The following METTL25 variants were observed in gnomAD, a reference collection of about 807,000 sequenced individuals.
METTL25 encodes the protein methyltransferase like 25.
In METTL25, 64 loss-of-function variants were observed where a neutral mutation model predicts 71.6. The observed-to-expected ratio is 0.89, with a 90% CI of 0.73 to 1.10. The LOEUF is 1.10. METTL25 is among the 50% of genes least tolerant of loss of function. The pLI is 0.00. For missense variants in METTL25, 807 were observed against 707.0 expected, an observed-to-expected ratio of 1.14 and a Z score of -1.60; for synonymous variants, 287 against 250.3, an observed-to-expected ratio of 1.15 and a Z score of -1.38.
intron 8 of METTL25, among the ~76,000 whole-genome samples, chr12:82,455,757 G>A (rs1345620426): frequency 6.6e-6 from 1 of 151,858 alleles, no homozygotes; most frequent in African/African-American, 2.4e-5. Context: ...GATTATAGTG[G>A]GCCCTGATGG....
At chr12:82,440,901 A>G (rs560867410) in intron 8 of METTL25, among the ~76,000 whole-genome samples, 138 of 152,176 alleles carry the variant, frequency 9.1e-4, no homozygotes, top group African/African-American at 3.2e-3. Context: ...GGATTTCAAC[A>G]GAAGTAAACC....
chr12:82,386,637 A>T (rs1309823976), intron 1 of METTL25, among the ~76,000 whole-genome samples, 166 bp from the exon 2 acceptor site: 1 of 152,090 alleles, frequency 6.6e-6, no homozygotes, highest in East Asian at 1.9e-4. Flanking sequence ...CTAATCGTTT[A>T]AATAGTAAAT....
chr12:82,358,899 G>A (rs769312618), intron 1 of METTL25, 75 bp downstream of exon 1: 117 of 1,524,812 alleles, frequency 7.7e-5, no homozygotes, highest in Non-Finnish European at 5.4e-5. Context: ...GCCCCCTGGT[G>A]GAAGCCAGCA....
chr12:82,372,837 T>C (rs922141830), intron 1 of METTL25, among the ~76,000 whole-genome samples: 1 of 152,124 alleles, frequency 6.6e-6, no homozygotes, highest in African/African-American at 2.4e-5. Context: ...ACCTTGCTGA[T>C]TGGAATAGTT....
intron 2 of METTL25, among the ~76,000 whole-genome samples, chr12:82,388,289 G>A (rs1476044181): frequency 6.6e-6 from 1 of 151,986 alleles, no homozygotes; most frequent in Non-Finnish European, 1.5e-5. Context: ...TTATCTTTGA[G>A]TCCAATTCTT....
chr12:82,476,014 A>G (rs750577793), intron 9 of METTL25, among the ~76,000 whole-genome samples: 31 of 152,222 alleles, frequency 2.0e-4, no homozygotes, highest in Admixed American at 5.2e-4. Context: ...ACAATAATGT[A>G]ACTGGCATAG....
chr12:82,408,322 G>T (rs1197227878), intron 5 of METTL25, among the ~76,000 whole-genome samples: 1 of 152,108 alleles, frequency 6.6e-6, no homozygotes, highest in Non-Finnish European at 1.5e-5. Flanking sequence ...AAAGGGCCTA[G>T]GAGTGTACAT....
intron 8 of METTL25, among the ~76,000 whole-genome samples, chr12:82,452,979 A>G (rs1428116619): frequency 6.6e-6 from 1 of 152,088 alleles, no homozygotes; most frequent in Non-Finnish European, 1.5e-5. Flanking sequence ...ACCTATACCA[A>G]CCACTACACT....
chr12:82,360,998 G>A (rs1341629862), intron 1 of METTL25, among the ~76,000 whole-genome samples: 1 of 152,158 alleles, frequency 6.6e-6, no homozygotes, highest in African/African-American at 2.4e-5. Flanking sequence ...GAGAGCAGCA[G>A]CAAGATTTAT....
rs1018529337 is a variant in METTL25, at chr12:82,416,803, C to T, written c.1279+13673C>T. ...CTTAGTTTTAATATATTTTAGAAAC[C>T]GGTAACATGTAAGTACTTCACAAAT... On this transcript the variant is annotated intron_variant, in intron 5 of 11. Coordinates refer to ENST00000248306, the MANE Select transcript of METTL25 (RefSeq NM_032230.3). Among the ~76,000 whole-genome samples, 4 of 151,838 alleles carry T rather than the reference C, an allele frequency of 2.6e-5. No individual in the cohort carries two copies. The East Asian group carries it at 5.8e-4, about 22-fold the overall frequency.
At chr12:82,389,348 CT>C (rs1330368638) in intron 2 of METTL25, among the ~76,000 whole-genome samples, 3 of 152,052 alleles carry the variant, frequency 2.0e-5, no homozygotes, top group Non-Finnish European at 4.4e-5. Flanking sequence ...TTAGCAGCTA[CT>C]ATATTAGACA....
chr12:82,476,619 T>C (rs1334115400), intron 9 of METTL25, 25 bp from the exon 10 acceptor site: 1 of 1,435,018 alleles, frequency 7.0e-7, no homozygotes, highest in South Asian at 1.2e-5. Flanking sequence ...TATCGTTAAA[T>C]TTATTGTTGT....
intron 1 of METTL25, among the ~76,000 whole-genome samples, chr12:82,375,702 A>G (rs979686526): frequency 2.5e-4 from 38 of 152,168 alleles, no homozygotes; most frequent in African/African-American, 9.2e-4. Flanking sequence ...ATTTAAACCT[A>G]CTGATGTTTG....
chr12:82,475,047 G>A (rs746798027), intron 9 of METTL25, among the ~76,000 whole-genome samples: 1 of 152,074 alleles, frequency 6.6e-6, no homozygotes, highest in Non-Finnish European at 1.5e-5. Flanking sequence ...AAATACAACT[G>A]GTGACCAGCA....
intron 8 of METTL25, among the ~76,000 whole-genome samples, chr12:82,442,148 C>T (rs1890395273): frequency 6.6e-6 from 1 of 152,082 alleles, no homozygotes; most frequent in Non-Finnish European, 1.5e-5. Flanking sequence ...CTTTCACCAT[C>T]ACTCAGCAGT....
chr12:82,475,451 T>C (rs1438534547), intron 9 of METTL25, among the ~76,000 whole-genome samples: 1 of 152,144 alleles, frequency 6.6e-6, no homozygotes, highest in Non-Finnish European at 1.5e-5. Flanking sequence ...GACAGAGCCT[T>C]ACTTTCCACT....
intron 1 of METTL25, among the ~76,000 whole-genome samples, chr12:82,379,620 G>C (rs138515558): frequency 1.4e-4 from 22 of 152,232 alleles, no homozygotes; most frequent in African/African-American, 4.6e-4. Context: ...TTAAGGCATA[G>C]CTGAAATTAT....
intron 3 of METTL25, among the ~76,000 whole-genome samples, chr12:82,391,538 A>ATG (rs1220499772): frequency 1.7e-4 from 2 of 11,768 alleles, no homozygotes; most frequent in African/African-American, 2.9e-4. Flanking sequence ...TTTTGTTAGT[A>ATG]TATGTGTGTG....
At chr12:82,468,009 G>C (rs777207186) in intron 9 of METTL25, among the ~76,000 whole-genome samples, 2 of 151,234 alleles carry the variant, frequency 1.3e-5, no homozygotes, top group Non-Finnish European at 1.5e-5. Context: ...GTTTTTGTCT[G>C]TCTGTATTAT....
Sources: allele counts gnomAD v4.1 joint callset (sites outside exome capture counted in the v4.1 genomes callset), GRCh38; gene constraint gnomAD v4.1.1; transcripts MANE v1.5; gene names NCBI Gene and HGNC (gene_info 2026-07-23, HGNC 2026-07-21).